The following AKIRIN2 variants were observed in gnomAD, a reference collection of about 807,000 sequenced individuals.
The protein encoded by AKIRIN2 is akirin-2.
Under a neutral mutation model 29.3 loss-of-function variants are expected in AKIRIN2, and 6 were observed. The ratio of observed to expected loss-of-function variants is 0.20; its 90% confidence interval spans 0.11 to 0.40. The LOEUF (loss-of-function observed/expected upper bound fraction) is 0.40. Ranked by LOEUF, AKIRIN2 falls within the 10% of genes least tolerant of loss-of-function variation. The probability of loss-of-function intolerance (pLI) is 1.00; values close to 1 mark genes in which losing one functional copy is unlikely to be tolerated. For missense variants in AKIRIN2, 210 were observed against 276.1 expected, an observed-to-expected ratio of 0.76 and a Z score of 1.70; for synonymous variants, 128 against 117.5, an observed-to-expected ratio of 1.09 and a Z score of -0.58.
At chr6:87,693,334 G>A (rs975018377) in intron 1 of AKIRIN2, among the ~76,000 whole-genome samples, 1 of 152,148 alleles carries the variant, frequency 6.6e-6, no homozygotes, top group Non-Finnish European at 1.5e-5. Context: ...ACCTCTTCAT[G>A]TTACATCCAG....
chr6:87,693,456 G>A (rs1251801354), intron 1 of AKIRIN2, among the ~76,000 whole-genome samples: 4 of 152,126 alleles, frequency 2.6e-5, no homozygotes, highest in African/African-American at 7.2e-5. Context: ...ATGGCCGGGC[G>A]CGGTGGCTCA....
intron 1 of AKIRIN2, among the ~76,000 whole-genome samples, chr6:87,687,289 T>TTA (rs1295990878): frequency 6.7e-6 from 1 of 150,062 alleles, no homozygotes; most frequent in Non-Finnish European, 1.5e-5. Flanking sequence ...ACACCTGTAA[T>TTA]CCCAGCACTT....
chr6:87,695,869 C>G (rs1438970034), intron 1 of AKIRIN2, among the ~76,000 whole-genome samples: 1 of 148,560 alleles, frequency 6.7e-6, no homozygotes, highest in Admixed American at 7.0e-5. Context: ...CTTTCTAGAT[C>G]TATCAAAACA....
intron 1 of AKIRIN2, chr6:87,700,753 G>A (rs991937812): frequency 6.5e-6 from 1 of 154,510 alleles, no homozygotes; most frequent in African/African-American, 2.4e-5. Flanking sequence ...AATGCAATAT[G>A]CTTATTAAAA....
In AKIRIN2 at chr6:87,701,759, G is replaced by A. The variant is rs982816275; in HGVS notation, c.-75C>T. The stretch of plus-strand genomic sequence containing the variant: ...ACGAAAGAAGAGGGTGAGGGAAGGG[G>A]TGAAGAGCGGGAACTCGAGGAGAGC... On this transcript the variant is annotated 5_prime_UTR_variant, in exon 1 of 5. Coordinates refer to ENST00000257787, the MANE Select transcript of AKIRIN2 (RefSeq NM_018064.4). The A allele has an allele frequency of 5.7e-5, 63 of 1,112,894 alleles. No individual in the cohort carries two copies. Among genetic ancestry groups the A allele is most frequent in the Admixed American group, 2.3e-4 (6 of 26,056 alleles). 68.9% of individuals were successfully genotyped at this position (1,112,894 alleles called of 1,614,324 possible).
intron 1 of AKIRIN2, among the ~76,000 whole-genome samples, chr6:87,689,886 C>A (rs1048524459): frequency 1.3e-5 from 2 of 152,258 alleles, no homozygotes; most frequent in Admixed American, 1.3e-4. Flanking sequence ...TGGAACTATG[C>A]GTATTTAAAG....
intron 1 of AKIRIN2, among the ~76,000 whole-genome samples, chr6:87,695,710 G>A (rs926322731): frequency 1.3e-5 from 2 of 152,112 alleles, no homozygotes; most frequent in African/African-American, 4.8e-5. Flanking sequence ...AACTATTCAA[G>A]AGGCCCAAAC....
At chr6:87,679,086 G>A (rs543628935) in intron 2 of AKIRIN2, among the ~76,000 whole-genome samples, 9 of 142,106 alleles carry the variant, frequency 6.3e-5, no homozygotes, top group African/African-American at 2.2e-4. Flanking sequence ...AGTGAGCCGA[G>A]ATCATGCCGT....
chr6:87,694,846 CTCA>C (rs995441890), intron 1 of AKIRIN2, among the ~76,000 whole-genome samples: 85 of 152,272 alleles, frequency 5.6e-4, no homozygotes, highest in African/African-American at 2.0e-3. Context: ...CTGTAAAATC[CTCA>C]TCACCAAAAA....
At chr6:87,700,290 C>G (rs995713734) in intron 1 of AKIRIN2, among the ~76,000 whole-genome samples, 2 of 148,220 alleles carry the variant, frequency 1.3e-5, no homozygotes, top group Non-Finnish European at 1.5e-5. Context: ...ACACTAAAGT[C>G]AGTTTCAAAT....
chr6:87,694,220 T>C (rs1228235618), intron 1 of AKIRIN2, among the ~76,000 whole-genome samples: 1 of 152,168 alleles, frequency 6.6e-6, no homozygotes, highest in Non-Finnish European at 1.5e-5. Context: ...ACACATCATA[T>C]ACTGACACAA....
chr6:87,675,427 G>A lies in AKIRIN2; in HGVS notation c.*170C>T. 1 of 823,510 alleles carries A rather than the reference G, an allele frequency of 1.2e-6. No homozygotes were observed. The highest frequency in any genetic ancestry group is 2.0e-6 in the Non-Finnish European group (1 of 504,300). 51.0% of individuals were successfully genotyped at this position (823,510 alleles called of 1,614,324 possible). On this transcript the variant is annotated 3_prime_UTR_variant, in exon 5 of 5. Transcript: ENST00000257787. ...CCACATCCAGGTGGTACTGACATCA[G>A]GGAAATTTCCAAAACCAGTTGCTGC...
At position 87,675,283 on chromosome 6, in the gene AKIRIN2, C is replaced by A. The variant is rs956202166; in HGVS notation, c.*314G>T. Reference sequence around the variant, plus strand: ...TCATTCTACAGTTTTATTTACACAACCAGTGAAGGGCATGTTCTAGAATAC... The same window carrying A: ...TCATTCTACAGTTTTATTTACACAAACAGTGAAGGGCATGTTCTAGAATAC... On this transcript the variant is annotated 3_prime_UTR_variant, in exon 5 of 5. Transcript: ENST00000257787. The A allele has an allele frequency of 2.6e-6, 1 of 378,142 alleles. No homozygotes were observed. The highest frequency in any genetic ancestry group is 4.8e-6 in the Non-Finnish European group (1 of 207,872). The allele number at this position is 378,142 out of a possible 1,614,324, so 23.4% of individuals were successfully genotyped here.
rs1771465135 is a variant in AKIRIN2, at chr6:87,701,521, G to A, written c.164C>T (p.Ala55Val). 1 of 1,447,904 alleles carries A rather than the reference G, an allele frequency of 6.9e-7. No individual in the cohort carries two copies. The highest frequency in any genetic ancestry group is 9.1e-7 in the Non-Finnish European group (1 of 1,101,402). The allele number at this position is 1,447,904 out of a possible 1,614,324, so 89.7% of individuals were successfully genotyped here. ...AATAASFSAA[A>V]ASPQKYLRME... The stretch of plus-strand genomic sequence containing the variant: ...TCGGAGATACTTCTGCGGCGAGGCG[G>A]CCGCAGCGGAGAAGGAGGCGGCGGT... The change falls in exon 1 of 5, where the codon GCC becomes GTC. Residue 55 changes from alanine (A) to valine (V), a missense_variant. Physicochemically the swap from Ala to Val is moderately conservative, Grantham distance 64. This residue lies in a region of AKIRIN2 where 199 missense variants were observed against 236.5 expected (regional missense o/e 0.84). Coordinates refer to ENST00000257787, the MANE Select transcript of AKIRIN2 (RefSeq NM_018064.4).
rs188260452 is a variant in AKIRIN2 at position 87,680,201 on chromosome 6, C to T, written c.379+1419G>A. On this transcript the variant is annotated intron_variant, in intron 2 of 4. Coordinates refer to ENST00000257787, the MANE Select transcript of AKIRIN2 (RefSeq NM_018064.4). Reference sequence around the variant, plus strand: ...TGTTTCAACCACTAATACCTGGCCCCCACAATGGGCATGGCAGTATTTAGT... The same window carrying T: ...TGTTTCAACCACTAATACCTGGCCCTCACAATGGGCATGGCAGTATTTAGT... Among the ~76,000 whole-genome samples, 5 of 152,304 alleles carry T rather than the reference C, an allele frequency of 3.3e-5. No homozygotes were observed. The East Asian group carries it at 7.7e-4, about 23-fold the overall frequency.
At chr6:87,697,416 C>T (rs1405603224) in intron 1 of AKIRIN2, among the ~76,000 whole-genome samples, 1 of 151,630 alleles carries the variant, frequency 6.6e-6, no homozygotes, top group East Asian at 1.9e-4. Flanking sequence ...TATGCAGTAA[C>T]TGCAGCTACA....
In AKIRIN2 at chr6:87,702,181, A is replaced by C. The variant is rs1341998869; in HGVS notation, c.-497T>G. 5.0e-6 allele frequency: 2 copies of C among 398,212 alleles called. No homozygotes were observed. Among genetic ancestry groups the C allele is most frequent in the African/African-American group, 4.1e-5 (2 of 48,636 alleles). The allele number at this position is 398,212 out of a possible 1,614,324, so 24.7% of individuals were successfully genotyped here. ...AGAGAGATTGCGAGGTAGCTGCCGC[A>C]GCAGGAACCCAAGCGAACACGTCCA... On this transcript the variant is annotated 5_prime_UTR_variant, in exon 1 of 5. Coordinates refer to ENST00000257787, the MANE Select transcript of AKIRIN2 (RefSeq NM_018064.4).
At chr6:87,698,742 T>A (rs1446131448) in intron 1 of AKIRIN2, among the ~76,000 whole-genome samples, 1 of 152,214 alleles carries the variant, frequency 6.6e-6, no homozygotes, top group Non-Finnish European at 1.5e-5. Flanking sequence ...GCTCAGCTAG[T>A]CCTTCCTTTT....
chr6:87,686,863 T>C (rs1771196353), intron 1 of AKIRIN2, among the ~76,000 whole-genome samples: 1 of 151,272 alleles, frequency 6.6e-6, no homozygotes, highest in Non-Finnish European at 1.5e-5. Flanking sequence ...CTGGCCAACA[T>C]GACGAAACCC....
Sources: allele counts gnomAD v4.1 joint callset (sites outside exome capture counted in the v4.1 genomes callset), GRCh38; gene constraint gnomAD v4.1.1; regional missense constraint gnomAD v4.1.1; transcripts MANE v1.5; gene names NCBI Gene and HGNC (gene_info 2026-07-23, HGNC 2026-07-21).